The following SMURF1 variants were observed in gnomAD, a reference collection of about 807,000 sequenced individuals.
The protein encoded by SMURF1 is E3 ubiquitin-protein ligase SMURF1.
A neutral mutation model predicts 98.0 loss-of-function variants in SMURF1; 44 were observed. The observed-to-expected ratio is 0.45, with a 90% confidence interval of 0.35 to 0.58. SMURF1 has a LOEUF of 0.58. Ranked by LOEUF, SMURF1 falls within the 20% of genes least tolerant of loss-of-function variation. The probability of loss-of-function intolerance (pLI) is 0.00; values close to 1 mark genes in which losing one functional copy is unlikely to be tolerated. For missense variants in SMURF1, 687 were observed against 938.4 expected (o/e 0.73, Z 3.50); for synonymous variants, 396 against 374.9 (o/e 1.06, Z -0.65).
intron 6 of SMURF1, among the ~76,000 whole-genome samples, chr7:99,054,304 G>A (rs1795829739): frequency 6.6e-6 from 1 of 151,928 alleles, no homozygotes; most frequent in Admixed American, 6.6e-5. Context: ...CACAACCCCA[G>A]TTGTTTGTTT....
At chr7:99,057,104 C>T in intron 5 of SMURF1, 101 bp downstream of exon 5, 1 of 1,257,032 alleles carries the variant, frequency 8.0e-7, no homozygotes, top group Non-Finnish European at 1.2e-6. Context: ...TCCTCTGAGG[C>T]CCGTCAGCAT....
intron 1 of SMURF1, among the ~76,000 whole-genome samples, chr7:99,093,885 T>C (rs1018743827): frequency 2.6e-5 from 4 of 152,166 alleles, no homozygotes; most frequent in African/African-American, 4.8e-5. Flanking sequence ...CAAGATTTGA[T>C]AGACTTTCTA....
At chr7:99,038,950 T>C (rs1304652687) in intron 13 of SMURF1, among the ~76,000 whole-genome samples, 1 of 151,884 alleles carries the variant, frequency 6.6e-6, no homozygotes, top group Non-Finnish European at 1.5e-5. Flanking sequence ...TCCCAGCACT[T>C]TGGGATACCG....
intron 1 of SMURF1, among the ~76,000 whole-genome samples, chr7:99,133,795 GC>G (rs1260750102): frequency 2.0e-5 from 3 of 152,224 alleles, no homozygotes; most frequent in African/African-American, 7.2e-5. Flanking sequence ...TATGGTATAT[GC>G]CCATAATGGG....
intron 1 of SMURF1, among the ~76,000 whole-genome samples, chr7:99,072,666 C>T (rs1796355111): frequency 1.3e-5 from 2 of 151,900 alleles, no homozygotes; most frequent in African/African-American, 2.4e-5. Flanking sequence ...AAAGAAAATC[C>T]GAAGGTGAGG....
At chr7:99,076,391 C>T (rs1019214003) in intron 1 of SMURF1, among the ~76,000 whole-genome samples, 3 of 152,202 alleles carry the variant, frequency 2.0e-5, no homozygotes, top group South Asian at 2.1e-4. Flanking sequence ...TGACAGGACC[C>T]GATGAGAATG....
At chr7:99,050,908 C>T (rs1294715773) in intron 8 of SMURF1, 11 of 1,524,794 alleles carry the variant, frequency 7.2e-6, no homozygotes, top group South Asian at 3.6e-5. Context: ...GGGGGGGTCT[C>T]TCTAACCTGG....
At chr7:99,100,867 G>C (rs1797062005) in intron 1 of SMURF1, among the ~76,000 whole-genome samples, 1 of 152,212 alleles carries the variant, frequency 6.6e-6, no homozygotes, top group South Asian at 2.1e-4. Flanking sequence ...CAGAGTCAAA[G>C]AGAGATACAA....
At chr7:99,057,853 T>C (rs947056679) in intron 3 of SMURF1, among the ~76,000 whole-genome samples, 3 of 152,148 alleles carry the variant, frequency 2.0e-5, no homozygotes, top group African/African-American at 7.2e-5. Context: ...TGCCTTGGCC[T>C]CCCAAAGTGC....
chr7:99,061,937 C>G (rs1175342064), intron 1 of SMURF1, 100 bp from the exon 2 acceptor site: 1 of 868,912 alleles, frequency 1.2e-6, no homozygotes, highest in Admixed American at 2.8e-5. Flanking sequence ...TAAAAATTAG[C>G]TTTGCCGAAG....
chr7:99,037,115 C>A lies in SMURF1; in HGVS notation c.1761G>T (p.Glu587Asp). 1 of 1,614,162 alleles carries A rather than the reference C, an allele frequency of 6.2e-7. No homozygotes were observed. Among genetic ancestry groups the A allele is most frequent in the Non-Finnish European group, 8.5e-7 (1 of 1,180,036 alleles). Residue 587 changes from glutamate to aspartate, a missense_variant, in exon 15 of 18, where the codon GAG becomes GAT. Around this residue, in one of 2 missense-constraint regions of SMURF1, gnomAD observed 272 missense variants for 430.0 expected, o/e 0.63. Transcript: ENST00000361368. ...GCTTCAGCAGATGTTGAGGGATGAG[C>A]TCATTGAACCCCTTCTGCAGAGCTA... ...QFLALQKGFN[E>D]LIPQHLLKPF...
At chr7:99,097,032 A>G (rs1439315016) in intron 1 of SMURF1, among the ~76,000 whole-genome samples, 2 of 152,204 alleles carry the variant, frequency 1.3e-5, no homozygotes, top group African/African-American at 4.8e-5. Flanking sequence ...TAAATAATCC[A>G]TGGGTGACAG....
chr7:99,049,384 T>C (rs1285439830), intron 9 of SMURF1, 179 bp downstream of exon 9: 3 of 650,584 alleles, frequency 4.6e-6, no homozygotes, highest in Non-Finnish European at 7.7e-6. Context: ...GCTTCAGTGC[T>C]CTTCACAGCT....
chr7:99,131,255 G>A (rs190662064), intron 1 of SMURF1, among the ~76,000 whole-genome samples: 9 of 152,208 alleles, frequency 5.9e-5, no homozygotes, highest in African/African-American at 1.7e-4. Flanking sequence ...TAGGAAGTGC[G>A]ATATTGTACA....
At chr7:99,081,958 G>C (rs912403661) in intron 1 of SMURF1, among the ~76,000 whole-genome samples, 1 of 152,106 alleles carries the variant, frequency 6.6e-6, no homozygotes, top group African/African-American at 2.4e-5. Flanking sequence ...TGGCCTGATC[G>C]CATTTTTTAA....
chr7:99,045,677 G>T, intron 11 of SMURF1, 21 bp downstream of exon 11: 1 of 1,584,858 alleles, frequency 6.3e-7, no homozygotes, highest in Non-Finnish European at 8.7e-7. Context: ...AGCAGAGAAG[G>T]TGAATGAACA....
chr7:99,085,443 G>A (rs906820983), intron 1 of SMURF1, among the ~76,000 whole-genome samples: 1 of 151,748 alleles, frequency 6.6e-6, no homozygotes, highest in Non-Finnish European at 1.5e-5. Flanking sequence ...TTCCTGTACA[G>A]CCTGTGGAAC....
At chr7:99,071,727 A>G in intron 1 of SMURF1, among the ~76,000 whole-genome samples, 1 of 152,168 alleles carries the variant, frequency 6.6e-6, no homozygotes, top group Non-Finnish European at 1.5e-5. Context: ...GACAATTTCT[A>G]TCTCCAGATA....
chr7:99,129,444 TGCAGTG>T (rs1473359609), intron 1 of SMURF1, among the ~76,000 whole-genome samples: 1 of 152,220 alleles, frequency 6.6e-6, no homozygotes, highest in Admixed American at 6.5e-5. Context: ...CAGGCTAGAG[TGCAGTG>T]GCACAATCAC....
Sources: allele counts gnomAD v4.1 joint callset (sites outside exome capture counted in the v4.1 genomes callset), GRCh38; gene constraint gnomAD v4.1.1; regional missense constraint gnomAD v4.1.1; transcripts MANE v1.5; gene names NCBI Gene and HGNC (gene_info 2026-07-23, HGNC 2026-07-21).